Variants in SPTBN2 observed in about 807,000 individuals in gnomAD.
SPTBN2 encodes spectrin beta, non-erythrocytic 2.
A neutral mutation model predicts 284.2 loss-of-function variants in SPTBN2; 107 were observed. The ratio of observed to expected loss-of-function variants is 0.38; its 90% confidence interval spans 0.32 to 0.44. The LOEUF (loss-of-function observed/expected upper bound fraction) is 0.44. Ranked by LOEUF, SPTBN2 falls within the 20% of genes least tolerant of loss-of-function variation. SPTBN2 has a pLI of 1.00. For synonymous variants in SPTBN2, 1,289 were observed against 1,354.8 expected (o/e 0.95, Z 1.07); for missense variants, 2,569 against 3,287.1 (o/e 0.78, Z 5.34).
At chr11:66,711,403 G>C (rs1941858697) in intron 8 of SPTBN2, among the ~76,000 whole-genome samples, 1 of 152,198 alleles carries the variant, frequency 6.6e-6, no homozygotes, top group South Asian at 2.1e-4. Flanking sequence ...GAAGTCAATG[G>C]ATTGAGGGGC....
chr11:66,705,407 A>G lies in SPTBN2; in HGVS notation c.1869T>C (p.Tyr623=). ...CCGCTGCCAACTCGCACAGTGCCTCATAGCTCTGCTCTAGCTTGGCCACCC... is the reference window on the plus strand; with the variant it reads ...CCGCTGCCAACTCGCACAGTGCCTCGTAGCTCTGCTCTAGCTTGGCCACCC... ...SERVAKLEQS[Y]EALCELAAAR... Residue 623 remains tyrosine (Y), a synonymous_variant, in exon 15 of 38, where the codon TAT becomes TAC. Coordinates refer to ENST00000533211, the MANE Select transcript of SPTBN2 (RefSeq NM_006946.4). The G allele has an allele frequency of 6.2e-7, 1 of 1,613,002 alleles. No individual in the cohort carries two copies. The highest frequency in any genetic ancestry group is 8.5e-7 in the Non-Finnish European group (1 of 1,179,998).
chr11:66,693,157 C>A lies in SPTBN2; in HGVS notation c.4854+29G>T. On this transcript the variant is annotated intron_variant, in intron 24 of 37. Coordinates refer to ENST00000533211, the MANE Select transcript of SPTBN2 (RefSeq NM_006946.4). The surrounding 1 kb of genome is among the most constrained non-coding windows in gnomAD (Gnocchi z 5.7). The stretch of plus-strand genomic sequence containing the variant: ...GGTCAGGGGAGGGCAGAACTGGTCA[C>A]ATACACTGGGCTCTGTCCTGGCCCT... 6.2e-7 allele frequency: 1 copy of A among 1,614,232 alleles called. No individual in the cohort carries two copies. The highest frequency in any genetic ancestry group is 1.3e-5 in the African/African-American group (1 of 75,058).
chr11:66,691,723 G>T lies in SPTBN2; in HGVS notation c.5191-65C>A. On this transcript the variant is annotated intron_variant, in intron 26 of 37. Coordinates refer to ENST00000533211, the MANE Select transcript of SPTBN2 (RefSeq NM_006946.4). The surrounding 1 kb of genome is among the most constrained non-coding windows in gnomAD (Gnocchi z 8.0). The stretch of plus-strand genomic sequence containing the variant: ...TAGGGGATGTGGTCCCTGCCTGATG[G>T]AGCGAGTCCTCCACTCCAAACTCAG... 4 of 1,606,582 alleles carry T rather than the reference G, an allele frequency of 2.5e-6. No individual in the cohort carries two copies. The highest frequency in any genetic ancestry group is 1.7e-6 in the Non-Finnish European group (2 of 1,179,112).
intron 15 of SPTBN2, among the ~76,000 whole-genome samples, chr11:66,703,961 G>A (rs1048406918): frequency 2.0e-5 from 3 of 146,722 alleles, no homozygotes; most frequent in East Asian, 2.0e-4. Context: ...ATGCTTCCTC[G>A]TATTTCTTTT....
chr11:66,704,944 C>G lies in SPTBN2; in HGVS notation c.2332G>C (p.Asp778His). 2 of 1,610,748 alleles carry G rather than the reference C, an allele frequency of 1.2e-6. No homozygotes were observed. Among genetic ancestry groups the G allele is most frequent in the Non-Finnish European group, 1.7e-6 (2 of 1,179,886 alleles). ...GCTAGAGCCTGCGTGGAGAACTCGT[C>G]GTGCCCCAGCTCGGGGCTGGACACC... is the stretch of plus-strand genomic sequence containing the variant. ...RLVSSPELGHDEFSTQALARQ... is the reference protein window; with the variant it reads ...RLVSSPELGHHEFSTQALARQ... The change falls in exon 15 of 38, where the codon GAC (aspartate) becomes CAC (histidine). Residue 778 changes from aspartate (D) to histidine (H), a missense_variant. Physicochemically the swap from Asp to His is moderately conservative, Grantham distance 81. This residue lies in a region of SPTBN2 where 1,012 missense variants were observed against 1,248.9 expected (regional missense o/e 0.81). Transcript: ENST00000533211.
chr11:66,720,509 T>G (rs1942346678), intron 3 of SPTBN2, among the ~76,000 whole-genome samples: 1 of 150,064 alleles, frequency 6.7e-6, no homozygotes. Flanking sequence ...CAGGGAAGAG[T>G]AGGAGCCAAG....
chr11:66,707,943 C>G lies in SPTBN2; in HGVS notation c.1351-125G>C, dbSNP rs113977943. On this transcript the variant is annotated intron_variant, in intron 12 of 37. Transcript: ENST00000533211. The surrounding 1 kb of genome is among the most constrained non-coding windows in gnomAD (Gnocchi z 4.9). ...CATGCGGTGGCTCTAAGTTCCCTCT[C>G]TATCCCACCCCCATCCTGTCTCACC... 1.9e-5 allele frequency: 27 copies of G among 1,398,326 alleles called. No individual in the cohort carries two copies. In the African/African-American group the frequency reaches 3.0e-4, roughly 15 times the overall value. The allele number at this position is 1,398,326 out of a possible 1,614,324, so 86.6% of individuals were successfully genotyped here. A position where few individuals can be genotyped will look rare whatever the true frequency, so the allele number is the denominator to read the frequency against.
intron 8 of SPTBN2, among the ~76,000 whole-genome samples, chr11:66,711,624 T>G (rs1349377670): frequency 6.6e-6 from 1 of 152,196 alleles, no homozygotes; most frequent in Non-Finnish European, 1.5e-5. Flanking sequence ...AGCGCACAAC[T>G]GAGGCTGACC....
At chr11:66,726,211 A>G (rs1942617123) in intron 1 of SPTBN2, among the ~76,000 whole-genome samples, 1 of 152,244 alleles carries the variant, frequency 6.6e-6, no homozygotes, top group Non-Finnish European at 1.5e-5. Context: ...AAGCTCAAGG[A>G]AAGAATGAAC....
At position 66,693,032 on chromosome 11, in the gene SPTBN2, C is replaced by T. The variant is rs200296553; in HGVS notation, c.4923G>A (p.Ala1641=). Residue 1641 remains alanine, a synonymous_variant, in exon 25 of 38, where the codon GCG becomes GCA. Transcript: ENST00000533211. This position sits in a 1 kb window ranked among gnomAD's most constrained non-coding sequence, Gnocchi z 5.7. ...QVLEQALADY[A]QTIHQLAASS... is the part of the protein sequence containing the mutation. ...TGGCCGCCAGCTGGTGGATGGTCTG[C>T]GCGTAGTCGGCCAGGGCTTGCTCCA... The T allele has an allele frequency of 3.5e-5, 57 of 1,612,990 alleles. No homozygotes were observed. In the East Asian group the frequency reaches 1.1e-3, roughly 30 times the overall value.
chr11:66,701,352 C>G, intron 16 of SPTBN2, 70 bp from the exon 17 acceptor site: 1 of 1,582,544 alleles, frequency 6.3e-7, no homozygotes, highest in Non-Finnish European at 8.6e-7. Context: ...CCCTGCTTCT[C>G]TCTCTCTTGG....
intron 1 of SPTBN2, among the ~76,000 whole-genome samples, chr11:66,744,202 T>C (rs1357955225): frequency 6.6e-6 from 1 of 152,178 alleles, no homozygotes; most frequent in Non-Finnish European, 1.5e-5. Flanking sequence ...TTTTTTAGTA[T>C]ATGTCCCAAA....
intron 1 of SPTBN2, among the ~76,000 whole-genome samples, chr11:66,722,989 TG>T: frequency 6.6e-6 from 1 of 151,712 alleles, no homozygotes; most frequent in East Asian, 1.9e-4. Context: ...TTTCTGACTC[TG>T]GGGGACACGC....
At chr11:66,696,689 C>A in intron 20 of SPTBN2, 149 bp from the exon 21 acceptor site, 3 of 1,135,952 alleles carry the variant, frequency 2.6e-6, no homozygotes, top group Non-Finnish European at 3.8e-6. Flanking sequence ...ACACTCTTCA[C>A]GGAGGTTTAA....
intron 8 of SPTBN2, among the ~76,000 whole-genome samples, chr11:66,711,496 G>C (rs1941864295): frequency 6.6e-6 from 1 of 152,138 alleles, no homozygotes; most frequent in African/African-American, 2.4e-5. Context: ...AGCTCAGTGG[G>C]GACAGAGGCC....
Position 66,691,769 on chromosome 11 carries a change from A to C in SPTBN2, c.5191-111T>G, listed in dbSNP as rs115016940. 2.2e-3 allele frequency: 3,277 copies of C among 1,508,036 alleles called. 75 individuals carry two copies. In the African/African-American group the frequency reaches 0.038, roughly 18 times the overall value. 93.4% of individuals were successfully genotyped at this position (1,508,036 alleles called of 1,614,324 possible). On this transcript the variant is annotated intron_variant, in intron 26 of 37. Transcript: ENST00000533211. The surrounding 1 kb of genome is among the most constrained non-coding windows in gnomAD (Gnocchi z 8.0). ...CTCAGAACCCACCTCTCCCCGCTGC[A>C]TGGGGGCCGGGACAGGTTTCTTCCC...
Position 66,705,456 on chromosome 11 carries a change from C to T in SPTBN2, c.1820G>A (p.Cys607Tyr). Reference protein sequence around the residue: ...FCNPGKEYRPCDPQLVSERVA... With the variant: ...FCNPGKEYRPYDPQLVSERVA... ...CCGCTCCGACACCAGCTGCGGGTCG[C>T]AAGGTCTATACTCTGAGAAAGTCAC... is the stretch of plus-strand genomic sequence containing the variant. The change falls in exon 15 of 38, where the codon TGC becomes TAC. Residue 607 changes from cysteine (C) to tyrosine (Y), a missense_variant. Cys to Tyr is a radical substitution (Grantham distance 194). Coordinates refer to ENST00000533211, the MANE Select transcript of SPTBN2 (RefSeq NM_006946.4). The T allele has an allele frequency of 1.9e-6, 3 of 1,613,084 alleles. No homozygotes were observed. The South Asian group carries it at 3.3e-5, about 18-fold the overall frequency.
In SPTBN2 at chr11:66,718,585, G is replaced by C. The variant is rs1011884360; in HGVS notation, c.157+2499C>G. Among the ~76,000 whole-genome samples, 1 of 152,180 alleles carries C rather than the reference G, an allele frequency of 6.6e-6. No homozygotes were observed. The highest frequency in any genetic ancestry group is 1.5e-5 in the Non-Finnish European group (1 of 68,028). On this transcript the variant is annotated intron_variant, in intron 3 of 37. Transcript: ENST00000533211. This position sits in a 1 kb window ranked among gnomAD's most constrained non-coding sequence, Gnocchi z 4.8. ...AAAACTCGCTGGCCTCATGCAGGCC[G>C]TTCCCGTGCACCCTGCTCACTCCGT...
intron 20 of SPTBN2, 48 bp from the exon 21 acceptor site, chr11:66,696,588 T>C: frequency 6.2e-7 from 1 of 1,605,098 alleles, no homozygotes; most frequent in East Asian, 2.2e-5. Context: ...TAGCCTGAAC[T>C]TTAGAGGCTG....
Sources: allele counts gnomAD v4.1 joint callset (sites outside exome capture counted in the v4.1 genomes callset), GRCh38; gene constraint gnomAD v4.1.1; regional missense constraint gnomAD v4.1.1; non-coding constraint Gnocchi (gnomAD v3.1); transcripts MANE v1.5; gene names NCBI Gene and HGNC (gene_info 2026-07-23, HGNC 2026-07-21).